The following YAP1 variants were observed in gnomAD, a reference collection of about 807,000 sequenced individuals.
YAP1 encodes the protein transcriptional coactivator YAP1.
Under a neutral mutation model 56.9 loss-of-function variants are expected in YAP1, and 5 were observed. That is an observed-to-expected ratio of 0.09 (90% CI 0.05 to 0.18). The LOEUF is 0.18. Ranked by LOEUF, YAP1 falls within the 10% of genes least tolerant of loss-of-function variation. The pLI, the probability that YAP1 is intolerant of heterozygous loss-of-function variation, is 1.00. For synonymous variants in YAP1, 265 were observed against 248.1 expected (o/e 1.07, Z -0.64); for missense variants, 539 against 651.8 (o/e 0.83, Z 1.88).
intron 2 of YAP1, among the ~76,000 whole-genome samples, chr11:102,133,648 T>G (rs145032570): frequency 6.6e-6 from 1 of 152,192 alleles, no homozygotes; most frequent in African/African-American, 2.4e-5. Context: ...AAGGAAGTTA[T>G]GAGTTTCACA....
chr11:102,219,997 G>T (rs996620932), intron 6 of YAP1, among the ~76,000 whole-genome samples: 1 of 151,842 alleles, frequency 6.6e-6, no homozygotes, highest in Non-Finnish European at 1.5e-5. Flanking sequence ...GCCTCCCAAA[G>T]TGCTGGGATT....
chr11:102,119,363 G>A (rs1943509163), intron 2 of YAP1, among the ~76,000 whole-genome samples: 1 of 151,992 alleles, frequency 6.6e-6, no homozygotes, highest in Non-Finnish European at 1.5e-5. Context: ...TAAGAAAGAA[G>A]TTCACTAGAA....
At chr11:102,218,085 T>C (rs1342293544) in intron 6 of YAP1, among the ~76,000 whole-genome samples, 9 of 152,334 alleles carry the variant, frequency 5.9e-5, no homozygotes, top group African/African-American at 1.7e-4. Flanking sequence ...TTATAATTTA[T>C]TGTATATCCG....
rs11436634 is a variant in YAP1 at position 102,205,155 on chromosome 11, A to ATT, written c.803-726_803-725dup. Among the ~76,000 whole-genome samples the ATT allele has an allele frequency of 6.5e-4, 97 of 148,576 alleles. 1 individual carries two copies. The highest frequency in any genetic ancestry group is 3.9e-3 in the East Asian group (20 of 5,068). ...TGGTGTATTACAGCTTCAAAAAAAAATTTTTTTTTTTTTACTACCTAGGCT... is the reference window on the plus strand; with the variant it reads ...TGGTGTATTACAGCTTCAAAAAAAAATTTTTTTTTTTTTTTACTACCTAGGCT... On this transcript the variant is annotated intron_variant, in intron 4 of 8. Coordinates refer to ENST00000282441, the MANE Select transcript of YAP1 (RefSeq NM_001130145.3).
intron 4 of YAP1, among the ~76,000 whole-genome samples, chr11:102,189,793 A>G (rs915695912): frequency 1.3e-5 from 2 of 152,214 alleles, no homozygotes; most frequent in Non-Finnish European, 2.9e-5. Flanking sequence ...ACAAATACCT[A>G]TATGCAATTT....
chr11:102,190,719 C>T (rs1459005860), intron 4 of YAP1, among the ~76,000 whole-genome samples: 1 of 152,134 alleles, frequency 6.6e-6, no homozygotes, highest in East Asian at 1.9e-4. Flanking sequence ...GGGCAGATCA[C>T]TTTAGGTAAG....
At chr11:102,213,398 A>G (rs1202869614) in intron 6 of YAP1, among the ~76,000 whole-genome samples, 2 of 152,182 alleles carry the variant, frequency 1.3e-5, no homozygotes, top group Non-Finnish European at 2.9e-5. Context: ...AGGAGGGAGA[A>G]TCGCCTGAAC....
intron 1 of YAP1, chr11:102,112,657 CTT>C (rs1197460535): frequency 2.0e-6 from 2 of 985,152 alleles, no homozygotes; most frequent in Admixed American, 6.2e-5. Flanking sequence ...GAAAAAATCA[CTT>C]AACCTGATGA....
intron 6 of YAP1, among the ~76,000 whole-genome samples, chr11:102,212,695 C>T (rs185987406): frequency 6.6e-6 from 1 of 152,120 alleles, no homozygotes. Context: ...AATGATTCTG[C>T]CTCAGCCTCC....
intron 2 of YAP1, among the ~76,000 whole-genome samples, chr11:102,161,987 TAAG>T (rs1946317201): frequency 6.6e-6 from 1 of 152,242 alleles, no homozygotes; most frequent in African/African-American, 2.4e-5. Context: ...TTGGAGTATG[TAAG>T]AAGATGACTT....
chr11:102,163,285 A>G (rs1468572519), intron 3 of YAP1, among the ~76,000 whole-genome samples: 2 of 152,220 alleles, frequency 1.3e-5, no homozygotes, highest in East Asian at 1.9e-4. Context: ...AGGAAATAAT[A>G]CAATTTATAT....
At chr11:102,112,848 A>G (rs1333083993) in intron 1 of YAP1, 2 of 863,278 alleles carry the variant, frequency 2.3e-6, no homozygotes, top group Non-Finnish European at 2.8e-6. Flanking sequence ...TTTTCAAAGT[A>G]TAATACACAT....
chr11:102,152,958 C>T (rs1945749762), intron 2 of YAP1, among the ~76,000 whole-genome samples: 1 of 152,110 alleles, frequency 6.6e-6, no homozygotes, highest in Non-Finnish European at 1.5e-5. Flanking sequence ...GAGCTGTCCT[C>T]AAAGACTTGA....
intron 6 of YAP1, among the ~76,000 whole-genome samples, chr11:102,215,125 C>T (rs1949599369): frequency 6.6e-6 from 1 of 152,116 alleles, no homozygotes; most frequent in South Asian, 2.1e-4. Flanking sequence ...CAGTTTAAAG[C>T]TGTGTTGGAA....
chr11:102,157,087 C>T (rs1945998083), intron 2 of YAP1, among the ~76,000 whole-genome samples: 1 of 152,146 alleles, frequency 6.6e-6, no homozygotes, highest in African/African-American at 2.4e-5. Flanking sequence ...ATAATTTTAA[C>T]TCATTAACAG....
chr11:102,183,708 G>C (rs1947769581), intron 3 of YAP1, among the ~76,000 whole-genome samples: 1 of 144,888 alleles, frequency 6.9e-6, no homozygotes, highest in Admixed American at 6.8e-5. Flanking sequence ...GTTTCTGTGT[G>C]TGTGTGTGTG....
chr11:102,169,003 C>T (rs1388193646), intron 3 of YAP1, among the ~76,000 whole-genome samples: 1 of 152,154 alleles, frequency 6.6e-6, no homozygotes, highest in East Asian at 1.9e-4. Context: ...TTTTACTTTT[C>T]ACCTTTGAAA....
intron 6 of YAP1, among the ~76,000 whole-genome samples, chr11:102,211,071 G>A (rs902117288): frequency 6.6e-6 from 1 of 152,170 alleles, no homozygotes; most frequent in African/African-American, 2.4e-5. Context: ...GTTTCTGAAA[G>A]AAGAATTTTA....
intron 7 of YAP1, among the ~76,000 whole-genome samples, chr11:102,226,463 T>C (rs1950201321): frequency 6.6e-6 from 1 of 152,220 alleles, no homozygotes; most frequent in African/African-American, 2.4e-5. Context: ...TAGCTGCTTA[T>C]TAAATGTACA....
Sources: gnomAD v4.1 joint callset for allele counts (sites outside exome capture counted in the v4.1 genomes callset) on GRCh38, gnomAD v4.1.1 for gene constraint, MANE v1.5 for transcripts, NCBI Gene and HGNC (gene_info 2026-07-23, HGNC 2026-07-21) for gene names.